The following MINDY3 variants were observed in gnomAD, a reference collection of about 807,000 sequenced individuals.
MINDY3 encodes the protein MINDY lysine 48 deubiquitinase 3.
A neutral mutation model predicts 69.2 loss-of-function variants in MINDY3; 38 were observed. The ratio of observed to expected loss-of-function variants is 0.55; its 90% confidence interval spans 0.42 to 0.72. The LOEUF is 0.72. Among genes scored for constraint, MINDY3 ranks in the 30% least tolerant of loss-of-function variants. MINDY3 has a pLI of 0.00. For missense variants in MINDY3, 522 were observed against 519.0 expected, an observed-to-expected ratio of 1.01 and a Z score of -0.06; for synonymous variants, 192 against 180.1, an observed-to-expected ratio of 1.07 and a Z score of -0.53.
chr10:15,807,365 C>A (rs77209351), intron 10 of MINDY3, among the ~76,000 whole-genome samples: 1 of 152,092 alleles, frequency 6.6e-6, no homozygotes, highest in Non-Finnish European at 1.5e-5. Flanking sequence ...GGACACAATA[C>A]GAATGGTGGA....
intron 10 of MINDY3, among the ~76,000 whole-genome samples, chr10:15,797,282 C>A (rs947502592): frequency 6.6e-6 from 1 of 152,040 alleles, no homozygotes; most frequent in Non-Finnish European, 1.5e-5. Flanking sequence ...ACAAGTTTTT[C>A]ATGTATTACA....
intron 10 of MINDY3, among the ~76,000 whole-genome samples, chr10:15,805,002 G>A (rs982701124): frequency 1.6e-4 from 25 of 152,108 alleles, no homozygotes; most frequent in Admixed American, 1.3e-3. Context: ...GCCCTCTGAC[G>A]TTCTTCCTCT....
intron 8 of MINDY3, among the ~76,000 whole-genome samples, chr10:15,830,426 CCA>C (rs1366373009): frequency 6.6e-6 from 1 of 152,174 alleles, no homozygotes; most frequent in African/African-American, 2.4e-5. Context: ...TTGTTTAATT[CCA>C]CACAGTTTAA....
intron 9 of MINDY3, among the ~76,000 whole-genome samples, chr10:15,820,530 C>A (rs116311319): frequency 6.6e-6 from 1 of 152,106 alleles, no homozygotes; most frequent in African/African-American, 2.4e-5. Context: ...AGGGGACACA[C>A]TTTGATTCTC....
At chr10:15,812,188 G>A (rs1400293004) in intron 10 of MINDY3, among the ~76,000 whole-genome samples, 5 of 152,074 alleles carry the variant, frequency 3.3e-5, no homozygotes, top group Non-Finnish European at 5.9e-5. Context: ...TGATTCACCT[G>A]CCTCGGCCTC....
chr10:15,857,763 T>C, intron 1 of MINDY3: 1 of 179,436 alleles, frequency 5.6e-6, no homozygotes, highest in Non-Finnish European at 1.1e-5. Context: ...GTCAAGCCAA[T>C]TAAAAACAAC....
chr10:15,792,381 C>T (rs1374710534), intron 11 of MINDY3, among the ~76,000 whole-genome samples: 2 of 152,024 alleles, frequency 1.3e-5, no homozygotes, highest in Non-Finnish European at 2.9e-5. Flanking sequence ...ATAAGTAGCT[C>T]ATTTATAGCT....
At chr10:15,812,222 T>C (rs1189821608) in intron 10 of MINDY3, among the ~76,000 whole-genome samples, 1 of 152,226 alleles carries the variant, frequency 6.6e-6, no homozygotes, top group Non-Finnish European at 1.5e-5. Flanking sequence ...ATTACAGGCA[T>C]GAGCCCCTGC....
chr10:15,855,295 G>A (rs898174819), intron 1 of MINDY3, among the ~76,000 whole-genome samples: 2 of 152,078 alleles, frequency 1.3e-5, no homozygotes, highest in Non-Finnish European at 2.9e-5. Context: ...TGAAAATTAA[G>A]TATTCTATCC....
intron 14 of MINDY3, among the ~76,000 whole-genome samples, chr10:15,781,625 G>A (rs1433652419): frequency 6.6e-6 from 1 of 152,032 alleles, no homozygotes; most frequent in Non-Finnish European, 1.5e-5. Context: ...GCTGGACTAA[G>A]TTTCACTCCC....
chr10:15,806,043 C>G (rs1838616483), intron 10 of MINDY3, among the ~76,000 whole-genome samples: 1 of 152,156 alleles, frequency 6.6e-6, no homozygotes, highest in Non-Finnish European at 1.5e-5. Flanking sequence ...GTCACACACT[C>G]CTCCTACCCA....
At chr10:15,852,931 T>C (rs1383395076) in intron 1 of MINDY3, among the ~76,000 whole-genome samples, 1 of 152,156 alleles carries the variant, frequency 6.6e-6, no homozygotes, top group Non-Finnish European at 1.5e-5. Context: ...GTAACAACTA[T>C]TTGCATAGCA....
intron 13 of MINDY3, among the ~76,000 whole-genome samples, chr10:15,785,692 T>G (rs1389401201): frequency 6.6e-6 from 1 of 152,196 alleles, no homozygotes; most frequent in Non-Finnish European, 1.5e-5. Flanking sequence ...CCTCAGTTAC[T>G]TTTTGAATCT....
At chr10:15,843,328 A>G (rs918740020) in intron 2 of MINDY3, 56 bp from the exon 3 acceptor site, 3 of 1,370,162 alleles carry the variant, frequency 2.2e-6, no homozygotes, top group Admixed American at 3.4e-5. Flanking sequence ...ACATCATATC[A>G]TTCTTCAATT....
At chr10:15,799,161 T>G (rs1164267013) in intron 10 of MINDY3, among the ~76,000 whole-genome samples, 1 of 152,108 alleles carries the variant, frequency 6.6e-6, no homozygotes, top group Admixed American at 6.6e-5. Context: ...ACCTATGATT[T>G]AGATAATATA....
chr10:15,841,324 ATG>A, intron 4 of MINDY3, 100 bp downstream of exon 4: 39 of 883,112 alleles, frequency 4.4e-5, no homozygotes, highest in Non-Finnish European at 6.6e-5. Context: ...AAAAGAATAC[ATG>A]TTATGAAAAT....
intron 14 of MINDY3, among the ~76,000 whole-genome samples, chr10:15,781,295 G>A (rs1364332483): frequency 1.3e-5 from 2 of 151,376 alleles, no homozygotes; most frequent in African/African-American, 4.8e-5. Flanking sequence ...ACTGTTTTCT[G>A]TAACCTTCCA....
chr10:15,853,322 C>A (rs781427688), intron 1 of MINDY3, among the ~76,000 whole-genome samples: 1 of 151,966 alleles, frequency 6.6e-6, no homozygotes, highest in African/African-American at 2.4e-5. Flanking sequence ...TTTCAGGGGG[C>A]CCACTGGAAG....
At chr10:15,857,991 T>C (rs1834815339) in intron 1 of MINDY3, 2 of 964,004 alleles carry the variant, frequency 2.1e-6, no homozygotes, top group Middle Eastern at 5.3e-4. Flanking sequence ...CCAGAGTTGA[T>C]GTCACATTAG....
Sources: gnomAD v4.1 joint callset for allele counts (sites outside exome capture counted in the v4.1 genomes callset) on GRCh38, gnomAD v4.1.1 for gene constraint, MANE v1.5 for transcripts, NCBI Gene and HGNC (gene_info 2026-07-23, HGNC 2026-07-21) for gene names.